The following TENM2 variants were observed in gnomAD, a reference collection of about 807,000 sequenced individuals.
TENM2 encodes the protein teneurin-2.
A neutral mutation model predicts 245.2 loss-of-function variants in TENM2; 52 were observed. That is an observed-to-expected ratio of 0.21 (90% CI 0.17 to 0.27). The LOEUF (loss-of-function observed/expected upper bound fraction) is 0.27, where lower values mean the gene tolerates loss of function less well. TENM2 is among the 10% of genes least tolerant of loss of function. TENM2 has a pLI of 1.00. For synonymous variants in TENM2, 1,363 were observed against 1,438.9 expected, an observed-to-expected ratio of 0.95 and a Z score of 1.19; for missense variants, 3,046 against 3,666.8, an observed-to-expected ratio of 0.83 and a Z score of 4.37.
chr5:167,363,858 A>G (rs1044919798), intron 1 of TENM2, among the ~76,000 whole-genome samples: 7 of 152,064 alleles, frequency 4.6e-5, no homozygotes, highest in Non-Finnish European at 1.0e-4. Flanking sequence ...AGAATTTATC[A>G]TTTACATACT....
intron 12 of TENM2, among the ~76,000 whole-genome samples, chr5:168,147,787 G>T (rs2337129): frequency 2.6e-5 from 4 of 152,004 alleles, no homozygotes; most frequent in Non-Finnish European, 4.4e-5. Context: ...TTGGAGCTCC[G>T]GAAAAGCTAA....
At chr5:167,330,461 T>C (rs1757372471) in intron 1 of TENM2, among the ~76,000 whole-genome samples, 1 of 152,116 alleles carries the variant, frequency 6.6e-6, no homozygotes, top group Non-Finnish European at 1.5e-5. Context: ...AGAAGACTTG[T>C]AGCAGTTCCA....
At chr5:167,253,525 T>TA in the TENM2 span, among the ~76,000 whole-genome samples, 43 of 152,102 alleles carry the variant, frequency 2.8e-4, no homozygotes, top group African/African-American at 1.0e-3. Flanking sequence ...ATTTAGAAGT[T>TA]AAAATCTTAC....
chr5:167,323,387 G>A (rs1053788559), intron 1 of TENM2, among the ~76,000 whole-genome samples: 4 of 152,122 alleles, frequency 2.6e-5, no homozygotes, highest in Non-Finnish European at 4.4e-5. Flanking sequence ...ATACAGATAT[G>A]TGTGTATATG....
intron 12 of TENM2, among the ~76,000 whole-genome samples, chr5:168,151,266 CA>C (rs1191622388): frequency 6.6e-6 from 1 of 152,206 alleles, no homozygotes; most frequent in African/African-American, 2.4e-5. Context: ...GAAATTACCT[CA>C]TTTTTCTCAT....
the TENM2 span, among the ~76,000 whole-genome samples, chr5:167,205,704 T>C: frequency 6.6e-6 from 1 of 152,124 alleles, no homozygotes; most frequent in Non-Finnish European, 1.5e-5. Context: ...GTTCAAAAGT[T>C]TGGGCACAGT....
At chr5:167,617,422 A>G (rs1214601916) in intron 2 of TENM2, among the ~76,000 whole-genome samples, 1 of 152,136 alleles carries the variant, frequency 6.6e-6, no homozygotes, top group East Asian at 1.9e-4. Context: ...TGTTTTTGCA[A>G]CCTCTTGTGT....
At chr5:167,275,362 T>C in the TENM2 span, among the ~76,000 whole-genome samples, 2 of 152,124 alleles carry the variant, frequency 1.3e-5, no homozygotes, top group African/African-American at 4.8e-5. Flanking sequence ...CCTTTCTATA[T>C]ATACTGTTAA....
intron 5 of TENM2, among the ~76,000 whole-genome samples, chr5:168,036,643 A>AATATAT (rs61665761): frequency 2.7e-5 from 2 of 73,812 alleles, no homozygotes; most frequent in East Asian, 1.1e-3. Flanking sequence ...TCAAAAAAAA[A>AATATAT]ATATATATAT....
the TENM2 span, among the ~76,000 whole-genome samples, chr5:167,126,589 C>A: frequency 6.6e-6 from 1 of 152,150 alleles, no homozygotes; most frequent in African/African-American, 2.4e-5. Flanking sequence ...AAAGAACTCA[C>A]ATTCATTTCT....
Position 167,797,224 on chromosome 5 carries a change from C to G in TENM2, c.503-78762C>G, listed in dbSNP as rs569893024. Among the ~76,000 whole-genome samples the G allele has an allele frequency of 2.6e-5, 4 of 152,266 alleles. No individual in the cohort carries two copies. The South Asian group carries it at 8.3e-4, about 32-fold the overall frequency. On this transcript the variant is annotated intron_variant, in intron 2 of 28. Coordinates refer to ENST00000518659, the Ensembl canonical transcript of TENM2. ...GCTGATTTTTGAGCCAGATCCATCC[C>G]AAGGCCCTTCAGTCTGACACCTCAG...
the TENM2 span, among the ~76,000 whole-genome samples, chr5:167,182,302 T>C: frequency 1.3e-5 from 2 of 152,110 alleles, no homozygotes; most frequent in African/African-American, 4.8e-5. Context: ...ATTCTTCAAA[T>C]AGGTTGCTAC....
chr5:168,234,378 A>G (rs1765229840), intron 25 of TENM2, among the ~76,000 whole-genome samples: 1 of 152,224 alleles, frequency 6.6e-6, no homozygotes, highest in South Asian at 2.1e-4. Flanking sequence ...CACAGGTCAC[A>G]TGACCATACC....
chr5:167,133,750 T>C, the TENM2 span, among the ~76,000 whole-genome samples: 1 of 152,020 alleles, frequency 6.6e-6, no homozygotes, highest in Non-Finnish European at 1.5e-5. Flanking sequence ...ACTTGTGGTC[T>C]CAACTTACAC....
rs541107103 is a variant in TENM2 at position 167,617,781 on chromosome 5, G to T, written c.502+242308G>T. On this transcript the variant is annotated intron_variant, in intron 2 of 28. Coordinates refer to ENST00000518659, the Ensembl canonical transcript of TENM2. Reference sequence around the variant, plus strand: ...TCAAATGGAAAGAAAAGTCATGGACGAATGGTTAAGTAAAAAAAGAATCAC... The same window carrying T: ...TCAAATGGAAAGAAAAGTCATGGACTAATGGTTAAGTAAAAAAAGAATCAC... 2.6e-5 allele frequency among the ~76,000 whole-genome samples: 4 copies of T among 152,136 alleles called. No individual in the cohort carries two copies. The South Asian group carries it at 8.3e-4, about 32-fold the overall frequency.
At chr5:167,399,526 C>T (rs1762251924) in intron 2 of TENM2, among the ~76,000 whole-genome samples, 1 of 152,182 alleles carries the variant, frequency 6.6e-6, no homozygotes, top group African/African-American at 2.4e-5. Context: ...AAGTAATTCA[C>T]ATCCTCAGAA....
the TENM2 span, among the ~76,000 whole-genome samples, chr5:167,121,514 G>A: frequency 1.3e-5 from 2 of 152,186 alleles, no homozygotes; most frequent in Admixed American, 1.3e-4. Context: ...CAGGGCAAGG[G>A]CACTGTGAGT....
intron 2 of TENM2, among the ~76,000 whole-genome samples, chr5:167,851,269 G>A (rs1770555628): frequency 6.6e-6 from 1 of 152,142 alleles, no homozygotes; most frequent in Admixed American, 6.5e-5. Context: ...TGAATTCTGA[G>A]TCCTGCAATG....
intron 2 of TENM2, among the ~76,000 whole-genome samples, chr5:167,400,929 A>C (rs191496259): frequency 1.3e-5 from 2 of 152,188 alleles, no homozygotes; most frequent in South Asian, 2.1e-4. Context: ...GTGCTTGATT[A>C]AAATGCCTAA....
Sources: gnomAD v4.1 joint callset for allele counts (sites outside exome capture counted in the v4.1 genomes callset) on GRCh38, gnomAD v4.1.1 for gene constraint, MANE v1.5 for transcripts, NCBI Gene and HGNC (gene_info 2026-07-23, HGNC 2026-07-21) for gene names.